TMEM135: variants seen among roughly 807,000 people sequenced by gnomAD.
TMEM135 encodes transmembrane protein 135.
Under a neutral mutation model 60.3 loss-of-function variants are expected in TMEM135, and 30 were observed. That is an observed-to-expected ratio of 0.50 (90% CI 0.37 to 0.68). The LOEUF is 0.68. Among genes scored for constraint, TMEM135 ranks in the 30% least tolerant of loss-of-function variants. TMEM135 has a pLI of 0.00. For missense variants in TMEM135, 468 were observed against 548.8 expected, an observed-to-expected ratio of 0.85 and a Z score of 1.47; for synonymous variants, 190 against 186.7, an observed-to-expected ratio of 1.02 and a Z score of -0.14.
At chr11:87,156,713 T>C (rs1938705200) in intron 4 of TMEM135, among the ~76,000 whole-genome samples, 1 of 152,174 alleles carries the variant, frequency 6.6e-6, no homozygotes, top group African/African-American at 2.4e-5. Flanking sequence ...TATATGACAT[T>C]ACTAAATTAC....
chr11:87,255,970 A>G (rs1941521036), intron 6 of TMEM135, among the ~76,000 whole-genome samples: 1 of 152,200 alleles, frequency 6.6e-6, no homozygotes, highest in African/African-American at 2.4e-5. Context: ...GTAAGTTACA[A>G]AACTGGGAAT....
At chr11:87,042,221 T>G (rs1302057612) in intron 1 of TMEM135, among the ~76,000 whole-genome samples, 2 of 152,214 alleles carry the variant, frequency 1.3e-5, no homozygotes, top group Non-Finnish European at 2.9e-5. Context: ...ATAGACTGAT[T>G]GGGGAAGCAA....
intron 14 of TMEM135, among the ~76,000 whole-genome samples, chr11:87,319,605 T>C (rs747890511): frequency 6.6e-6 from 1 of 151,786 alleles, no homozygotes; most frequent in African/African-American, 2.4e-5. Flanking sequence ...ATTTGCTAAC[T>C]ACTAATTAGC....
At position 87,171,691 on chromosome 11, in the gene TMEM135, G is replaced by C. The variant is rs1227894281; in HGVS notation, c.462+14285G>C. Among the ~76,000 whole-genome samples the C allele has an allele frequency of 2.0e-5, 3 of 152,126 alleles. No individual in the cohort carries two copies. The East Asian group carries it at 5.8e-4, about 29-fold the overall frequency. ...GTCCTATATGGCTTTAACATTTTCT[G>C]CTTACAGGCAGCTTTGTATACCCTT... On this transcript the variant is annotated intron_variant, in intron 5 of 14. Coordinates refer to ENST00000305494, the MANE Select transcript of TMEM135 (RefSeq NM_022918.4).
intron 3 of TMEM135, among the ~76,000 whole-genome samples, chr11:87,072,936 T>G (rs1317199286): frequency 6.6e-6 from 1 of 152,234 alleles, no homozygotes; most frequent in Non-Finnish European, 1.5e-5. Flanking sequence ...CTGAAACCAC[T>G]TATGAAGATG....
chr11:87,159,469 T>C (rs664398), intron 5 of TMEM135, among the ~76,000 whole-genome samples: 55,892 of 151,942 alleles, frequency 0.37, 10,812 homozygotes, highest in East Asian at 0.67. Context: ...TATAGAGTGA[T>C]GTGTAGCATG....
At chr11:87,125,682 A>T (rs1937706539) in intron 4 of TMEM135, among the ~76,000 whole-genome samples, 1 of 152,226 alleles carries the variant, frequency 6.6e-6, no homozygotes, top group African/African-American at 2.4e-5. Flanking sequence ...ACTTTTAAAA[A>T]GCAAAAAGTG....
chr11:87,307,593 A>G (rs1357022712), intron 9 of TMEM135, among the ~76,000 whole-genome samples: 2 of 152,200 alleles, frequency 1.3e-5, no homozygotes, highest in Non-Finnish European at 2.9e-5. Flanking sequence ...GAGAATTTCC[A>G]AGCAATAAAA....
rs1299065504 is a variant in TMEM135 at position 87,323,098 on chromosome 11, C to A, written c.*1765C>A. The A allele has an allele frequency of 2.2e-6, 1 of 453,560 alleles. No homozygotes were observed. The allele number at this position is 453,560 out of a possible 1,614,324, so 28.1% of individuals were successfully genotyped here. A position where few individuals can be genotyped will look rare whatever the true frequency, so the allele number is the denominator to read the frequency against. On this transcript the variant is annotated 3_prime_UTR_variant, in exon 15 of 15. Transcript: ENST00000305494. The stretch of plus-strand genomic sequence containing the variant: ...TCAGGTTTAAAAAGATGTTTTAATT[C>A]ATAAATTATTGTTTTCATTGACATT...
At chr11:87,275,100 T>TA (rs1941944769) in intron 6 of TMEM135, among the ~76,000 whole-genome samples, 1 of 152,048 alleles carries the variant, frequency 6.6e-6, no homozygotes, top group Admixed American at 6.6e-5. Flanking sequence ...ATTTTTCTGT[T>TA]AAAATAAAAA....
At chr11:87,260,612 G>A (rs1941631571) in intron 6 of TMEM135, among the ~76,000 whole-genome samples, 2 of 151,870 alleles carry the variant, frequency 1.3e-5, no homozygotes, top group African/African-American at 2.4e-5. Context: ...GAGTAAATGC[G>A]AGTTAGACTG....
At chr11:87,238,083 T>A (rs1941044601) in intron 6 of TMEM135, among the ~76,000 whole-genome samples, 1 of 151,978 alleles carries the variant, frequency 6.6e-6, no homozygotes, top group African/African-American at 2.4e-5. Flanking sequence ...ACACTTAGCC[T>A]GCTTCCAAAT....
intron 4 of TMEM135, among the ~76,000 whole-genome samples, chr11:87,135,194 C>T (rs1447728583): frequency 6.6e-6 from 1 of 151,512 alleles, no homozygotes; most frequent in Admixed American, 6.6e-5. Context: ...CTTCTTTTTT[C>T]ATTCTCTAAA....
chr11:87,098,325 T>G (rs960804674), intron 4 of TMEM135, among the ~76,000 whole-genome samples: 1 of 152,160 alleles, frequency 6.6e-6, no homozygotes, highest in South Asian at 2.1e-4. Flanking sequence ...GTTTTAAATA[T>G]TTTAGGTTGG....
chr11:87,152,853 G>A (rs1591059805), intron 4 of TMEM135, among the ~76,000 whole-genome samples: 1 of 152,170 alleles, frequency 6.6e-6, no homozygotes, highest in East Asian at 1.9e-4. Context: ...GCCTCATCAA[G>A]TTTTCTGGTT....
At chr11:87,136,883 T>C (rs1051364244) in intron 4 of TMEM135, among the ~76,000 whole-genome samples, 2 of 152,116 alleles carry the variant, frequency 1.3e-5, no homozygotes, top group Non-Finnish European at 2.9e-5. Flanking sequence ...ATTTGTGCCT[T>C]CTTTCTTCTT....
At chr11:87,159,266 C>T (rs887818861) in intron 5 of TMEM135, among the ~76,000 whole-genome samples, 2 of 152,106 alleles carry the variant, frequency 1.3e-5, no homozygotes, top group African/African-American at 4.8e-5. Flanking sequence ...ATATTTCTTA[C>T]ATTTTAAGAG....
intron 5 of TMEM135, among the ~76,000 whole-genome samples, chr11:87,232,242 C>T (rs187791102): frequency 8.5e-5 from 13 of 152,138 alleles, no homozygotes; most frequent in East Asian, 5.8e-4. Context: ...TGAGCCATCG[C>T]GCCTGGCCAA....
At chr11:87,138,337 C>G (rs1044146425) in intron 4 of TMEM135, among the ~76,000 whole-genome samples, 1 of 152,082 alleles carries the variant, frequency 6.6e-6, no homozygotes, top group African/African-American at 2.4e-5. Flanking sequence ...GTGATCCGCC[C>G]GCCTTGGCCT....
Sources: gnomAD v4.1 joint callset for allele counts (sites outside exome capture counted in the v4.1 genomes callset) on GRCh38, gnomAD v4.1.1 for gene constraint, MANE v1.5 for transcripts, NCBI Gene and HGNC (gene_info 2026-07-23, HGNC 2026-07-21) for gene names.